The following SNX32 variants were observed in gnomAD, a reference collection of about 807,000 sequenced individuals.
SNX32 encodes the protein sorting nexin-32.
In SNX32, 58 loss-of-function variants were observed where a neutral mutation model predicts 57.0. The observed-to-expected ratio is 1.02, with a 90% confidence interval of 0.82 to 1.27. SNX32 has a LOEUF of 1.27. Ranked by LOEUF, SNX32 falls within the 50% of genes most tolerant of loss-of-function variation. The probability of loss-of-function intolerance (pLI) is 0.00; values close to 1 mark genes in which losing one functional copy is unlikely to be tolerated. For missense variants in SNX32, 589 were observed against 541.2 expected (o/e 1.09, Z -0.88); for synonymous variants, 262 against 220.4 (o/e 1.19, Z -1.67).
At chr11:65,846,450 C>T (rs1243187626) in intron 1 of SNX32, among the ~76,000 whole-genome samples, 2 of 151,250 alleles carry the variant, frequency 1.3e-5, no homozygotes, top group Non-Finnish European at 2.9e-5. Flanking sequence ...ACTGTAATCC[C>T]AGCTACTCGG....
In SNX32 at chr11:65,853,398, C is replaced by A. The variant is rs192537429; in HGVS notation, c.*63C>A. ...CCAGTGACCAGGGTATCCCAGACCC[C>A]TCTCTCCGGCAAGATGTCTCCTTCC... is the stretch of plus-strand genomic sequence containing the variant. On this transcript the variant is annotated 3_prime_UTR_variant, in exon 13 of 13. Coordinates refer to ENST00000308342, the MANE Select transcript of SNX32 (RefSeq NM_152760.3). 3.2e-4 allele frequency: 489 copies of A among 1,522,444 alleles called. 2 individuals carry two copies. The African/African-American group carries it at 6.0e-3, about 19-fold the overall frequency. 94.3% of individuals were successfully genotyped at this position (1,522,444 alleles called of 1,614,324 possible).
intron 1 of SNX32, among the ~76,000 whole-genome samples, chr11:65,845,785 G>A (rs954924358): frequency 6.6e-6 from 1 of 151,950 alleles, no homozygotes; most frequent in Non-Finnish European, 1.5e-5. Flanking sequence ...ATTCATAATA[G>A]CCAAAAACTT....
intron 6 of SNX32, 84 bp downstream of exon 6, chr11:65,850,939 G>A (rs1266673271): frequency 9.9e-6 from 15 of 1,511,338 alleles, no homozygotes; most frequent in Non-Finnish European, 1.0e-5. Flanking sequence ...GTGTGGGAAG[G>A]AAGCCACTGG....
Position 65,850,019 on chromosome 11 carries a change from G to A in SNX32, c.241G>A (p.Ala81Thr), listed in dbSNP as rs766592313. The stretch of plus-strand genomic sequence containing the variant: ...TGCCTACGTGGAGAATGAGGAGTAC[G>A]CCGGCCTCATCGTGAGGAGGGGCTG... ...HDAYVENEEY[A>T]GLIIPPAPPR... The change falls in exon 3 of 13, where the codon GCC (alanine) becomes ACC (threonine). Residue 81 changes from alanine (A) to threonine (T), a missense_variant. By Grantham distance (58) the Ala-to-Thr change is moderately conservative. Transcript: ENST00000308342. 3.4e-5 allele frequency: 55 copies of A among 1,613,996 alleles called. No individual in the cohort carries two copies. Among genetic ancestry groups the A allele is most frequent in the Non-Finnish European group, 4.6e-5 (54 of 1,179,966 alleles).
intron 1 of SNX32, chr11:65,835,812 G>A (rs1435222551): frequency 6.6e-6 from 1 of 152,366 alleles, no homozygotes; most frequent in African/African-American, 2.4e-5. Flanking sequence ...GAGAAGCCAA[G>A]AAATGAGGAG....
chr11:65,851,194 G>A, intron 7 of SNX32, 34 bp downstream of exon 7: 1 of 1,605,374 alleles, frequency 6.2e-7, no homozygotes, highest in Non-Finnish European at 8.5e-7. Context: ...GGATCCCCCT[G>A]CCCCTCTCCC....
chr11:65,835,305 T>C (rs1858637639), intron 1 of SNX32, among the ~76,000 whole-genome samples: 1 of 134,454 alleles, frequency 7.4e-6, no homozygotes, highest in Non-Finnish European at 1.6e-5. Context: ...CAAGACCAAC[T>C]CAGGCTGTCT....
At position 65,851,003 on chromosome 11, in the gene SNX32, G is replaced by A. The variant is rs540350724; in HGVS notation, c.604-52G>A. On this transcript the variant is annotated intron_variant, in intron 6 of 12. Transcript: ENST00000308342. ...TTTGCCAACCCTGGGTGCCTGTGTT[G>A]TCAAGCCCCGTGGTGACCCAGTGTA... 6 of 1,559,700 alleles carry A rather than the reference G, an allele frequency of 3.8e-6. 1 individual carries two copies. The South Asian group carries it at 6.7e-5, about 17-fold the overall frequency.
intron 1 of SNX32, among the ~76,000 whole-genome samples, chr11:65,841,465 T>C (rs1565247390): frequency 6.6e-6 from 1 of 152,128 alleles, no homozygotes. Context: ...CTTGAACTCC[T>C]TGGCTCAAAT....
In SNX32 at chr11:65,834,028, A is replaced by T; in HGVS notation, c.-38A>T. 6.5e-7 allele frequency: 1 copy of T among 1,548,154 alleles called. No individual in the cohort carries two copies. Among genetic ancestry groups the T allele is most frequent in the Non-Finnish European group, 8.7e-7 (1 of 1,145,226 alleles). Reference sequence around the variant, plus strand: ...AGTTACGGGGACGACCTGCGGGAGCACGCGGGCAGTGGCCGGACGCTGAAG... The same window carrying T: ...AGTTACGGGGACGACCTGCGGGAGCTCGCGGGCAGTGGCCGGACGCTGAAG... On this transcript the variant is annotated 5_prime_UTR_variant, in exon 1 of 13. Transcript: ENST00000308342.
At chr11:65,843,260 G>T (rs985671849) in intron 1 of SNX32, among the ~76,000 whole-genome samples, 3 of 144,234 alleles carry the variant, frequency 2.1e-5, no homozygotes, top group Non-Finnish European at 4.6e-5. Flanking sequence ...AAATTAAAAT[G>T]AAGAAAATGA....
intron 5 of SNX32, 88 bp downstream of exon 5, chr11:65,850,642 GGGGCCCAAGT>G: frequency 2.6e-6 from 4 of 1,560,604 alleles, no homozygotes; most frequent in African/African-American, 2.7e-5. Context: ...GGCTGGAGAA[GGGGCCCAAGT>G]GGGCCCAATC....
intron 8 of SNX32, 116 bp downstream of exon 8, chr11:65,851,519 T>A: frequency 2.0e-6 from 3 of 1,506,572 alleles, no homozygotes; most frequent in Non-Finnish European, 2.8e-6. Flanking sequence ...TAGGCTCTCC[T>A]GTTGGGGGAT....
rs2134702506 is a variant in SNX32 at position 65,852,731 on chromosome 11, G to A, written c.1014G>A (p.Glu338=). The part of the protein sequence containing the change: ...RTRNREVRPA[E]SHQQLCCQRF... ...GGAACCGGGAGGTGCGGCCCGCCGAGAGCCACCAGCAGCTGTGCTGCCAAC... is the reference window on the plus strand; with the variant it reads ...GGAACCGGGAGGTGCGGCCCGCCGAAAGCCACCAGCAGCTGTGCTGCCAAC... Residue 338 remains glutamate (E), a synonymous_variant, in exon 11 of 13, where the codon GAG becomes GAA. Transcript: ENST00000308342. 3.1e-6 allele frequency: 5 copies of A among 1,606,344 alleles called. No homozygotes were observed. The highest frequency in any genetic ancestry group is 4.2e-6 in the Non-Finnish European group (5 of 1,178,686).
intron 1 of SNX32, among the ~76,000 whole-genome samples, chr11:65,834,548 GTGTGTGTGTC>G (rs1858603108): frequency 6.6e-6 from 1 of 150,920 alleles, no homozygotes; most frequent in African/African-American, 2.4e-5. Context: ...GCATGTCTGT[GTGTGTGTGTC>G]TGTGTGTCTG....
chr11:65,846,566 C>CG (rs980303099), intron 1 of SNX32, among the ~76,000 whole-genome samples: 2 of 139,910 alleles, frequency 1.4e-5, no homozygotes, highest in African/African-American at 5.4e-5. Context: ...AACTCTGTCT[C>CG]GAAAAAAAAA....
Position 65,850,768 on chromosome 11 carries a change from G to C in SNX32, c.516G>C (p.Lys172Asn). Residue 172 changes from lysine to asparagine, a missense_variant, in exon 6 of 13, where the codon AAG becomes AAC. Transcript: ENST00000308342. ...TGCCTCAGCTGAGTGTCCGGGGGAAGAACAGGAAGGAGCTCCTCGGAGGGT... is the reference window on the plus strand; with the variant it reads ...TGCCTCAGCTGAGTGTCCGGGGGAACAACAGGAAGGAGCTCCTCGGAGGGT... ...EYGQDLSVRG[K>N]NRKELLGGFL... The C allele has an allele frequency of 6.2e-7, 1 of 1,614,108 alleles. No homozygotes were observed. Among genetic ancestry groups the C allele is most frequent in the Middle Eastern group, 1.7e-4 (1 of 6,056 alleles).
At chr11:65,834,530 GTGTC>G (rs900073142) in intron 1 of SNX32, among the ~76,000 whole-genome samples, 34 of 150,940 alleles carry the variant, frequency 2.3e-4, no homozygotes, top group Admixed American at 5.3e-4. Context: ...GTCTCTGTGT[GTGTC>G]TGTGCATGTC....
chr11:65,840,076 A>G (rs755421721), intron 1 of SNX32, among the ~76,000 whole-genome samples: 16 of 151,882 alleles, frequency 1.1e-4, no homozygotes, highest in Non-Finnish European at 2.1e-4. Flanking sequence ...AATTGCTTGA[A>G]CCTGGGAGGC....
Sources: gnomAD v4.1 joint callset for allele counts (sites outside exome capture counted in the v4.1 genomes callset) on GRCh38, gnomAD v4.1.1 for gene constraint, MANE v1.5 for transcripts, NCBI Gene and HGNC (gene_info 2026-07-23, HGNC 2026-07-21) for gene names.